CAPN7: variants seen among roughly 807,000 people sequenced by gnomAD.
The protein encoded by CAPN7 is calpain-7.
Under a neutral mutation model 115.2 loss-of-function variants are expected in CAPN7, and 72 were observed. That is an observed-to-expected ratio of 0.63 (90% confidence interval 0.52 to 0.76). The LOEUF is 0.76. Among genes scored for constraint, CAPN7 ranks in the 30% least tolerant of loss-of-function variants. The pLI is 0.00. For missense variants in CAPN7, 905 were observed against 971.5 expected (o/e 0.93, Z 0.91); for synonymous variants, 344 against 322.3 (o/e 1.07, Z -0.72).
In CAPN7 at chr3:15,219,484, G is replaced by A. The variant is rs988760673; in HGVS notation, c.437+944G>A. 2.0e-5 allele frequency among the ~76,000 whole-genome samples: 3 copies of A among 152,082 alleles called. 1 individual carries two copies. Among genetic ancestry groups the A allele is most frequent in the Admixed American group, 1.3e-4 (2 of 15,280 alleles). On this transcript the variant is annotated intron_variant, in intron 4 of 20. Coordinates refer to ENST00000253693, the MANE Select transcript of CAPN7 (RefSeq NM_014296.3). The stretch of plus-strand genomic sequence containing the variant: ...TTTCCTCAGATTCACAAAGATACGA[G>A]TCCTTGACATACAGTTGTCTTCTCT...
chr3:15,227,557 T>C (rs1030105515), intron 6 of CAPN7, among the ~76,000 whole-genome samples: 5 of 152,226 alleles, frequency 3.3e-5, no homozygotes, highest in Admixed American at 2.0e-4. Context: ...GCTGAATTTC[T>C]TGAATACAGT....
intron 2 of CAPN7, among the ~76,000 whole-genome samples, chr3:15,215,380 G>A (rs2045192435): frequency 6.6e-6 from 1 of 152,196 alleles, no homozygotes; most frequent in African/African-American, 2.4e-5. Context: ...CCCTCTTAAA[G>A]TATATAATTC....
At position 15,235,157 on chromosome 3, in the gene CAPN7, A is replaced by T; in HGVS notation, c.1407+12A>T. The stretch of plus-strand genomic sequence containing the variant: ...TTAGAGAGTTCAAGGTTTTGCCTTA[A>T]ATCTTTTTCTTTTATTTTTCTTGTT... On this transcript the variant is annotated intron_variant, in intron 12 of 20. Coordinates refer to ENST00000253693, the MANE Select transcript of CAPN7 (RefSeq NM_014296.3). The T allele has an allele frequency of 6.3e-7, 1 of 1,579,304 alleles. No homozygotes were observed. The highest frequency in any genetic ancestry group is 8.6e-7 in the Non-Finnish European group (1 of 1,167,412).
chr3:15,208,379 C>G (rs1260506424), intron 1 of CAPN7, among the ~76,000 whole-genome samples: 1 of 151,292 alleles, frequency 6.6e-6, no homozygotes, highest in Non-Finnish European at 1.5e-5. Flanking sequence ...CCTCAAACTG[C>G]AAAGCTCAAG....
chr3:15,232,596 AT>A lies in CAPN7; in HGVS notation c.1111del (p.Trp371GlyfsTer5). 6.2e-7 allele frequency: 1 copy of A among 1,613,024 alleles called. No homozygotes were observed. Among genetic ancestry groups the A allele is most frequent in the South Asian group, 1.1e-5 (1 of 90,944 alleles). ...CTTATTCCAACAACAAAAGTGAATT[AT>A]GGGTTTCTCTCATAGAAAAAGCATA... The part of the protein sequence containing the change: ...CSYSNNKSEL[W>X]VSLIEKAYMK... On this transcript the variant is annotated frameshift_variant, in exon 10 of 21. Transcript: ENST00000253693. LOFTEE classifies it high-confidence loss of function.
intron 2 of CAPN7, 49 bp downstream of exon 2, chr3:15,212,261 A>G: frequency 2.0e-6 from 2 of 994,002 alleles, no homozygotes; most frequent in Non-Finnish European, 3.0e-6. Context: ...CTTTTCTCCC[A>G]TCATGTCTTT....
At chr3:15,231,070 C>T (rs1279139033) in intron 9 of CAPN7, among the ~76,000 whole-genome samples, 3 of 152,212 alleles carry the variant, frequency 2.0e-5, no homozygotes, top group African/African-American at 4.8e-5. Flanking sequence ...ACATCAGCAT[C>T]ACCTGGAAGT....
intron 19 of CAPN7, among the ~76,000 whole-genome samples, chr3:15,249,996 C>G (rs1376039302): frequency 6.6e-6 from 1 of 151,492 alleles, no homozygotes; most frequent in Non-Finnish European, 1.5e-5. Context: ...ATCTCTTGAC[C>G]TTGTGATCCA....
chr3:15,229,315 T>C (rs1486180191), intron 8 of CAPN7, among the ~76,000 whole-genome samples: 5 of 152,190 alleles, frequency 3.3e-5, no homozygotes, highest in South Asian at 2.1e-4. Context: ...AATCATGTCA[T>C]ATTGATAATA....
At chr3:15,214,756 TCA>T (rs1398653935) in intron 2 of CAPN7, among the ~76,000 whole-genome samples, 1 of 152,196 alleles carries the variant, frequency 6.6e-6, no homozygotes, top group Non-Finnish European at 1.5e-5. Context: ...AGTACAGAGT[TCA>T]AGACTTGGAA....
Position 15,247,431 on chromosome 3 carries a change from G to A in CAPN7, c.2178G>A (p.Pro726=), listed in dbSNP as rs550234809. The A allele has an allele frequency of 1.2e-5, 19 of 1,601,752 alleles. No homozygotes were observed. The highest frequency in any genetic ancestry group is 9.1e-5 in the South Asian group (8 of 88,120). Reference sequence around the variant, plus strand: ...AATTCCATATAGAAAAGACTGGGCCGTTACTGATTGAGCTACGAGGACCAA... The same window carrying A: ...AATTCCATATAGAAAAGACTGGGCCATTACTGATTGAGCTACGAGGACCAA... ...IYQFHIEKTG[P]LLIELRGPRQ... The change falls in exon 19 of 21, where the codon CCG becomes CCA. Residue 726 remains proline (P), a synonymous_variant. Coordinates refer to ENST00000253693, the MANE Select transcript of CAPN7 (RefSeq NM_014296.3).
At chr3:15,239,288 C>G (rs1050940931) in intron 12 of CAPN7, among the ~76,000 whole-genome samples, 78 of 152,264 alleles carry the variant, frequency 5.1e-4, no homozygotes, top group African/African-American at 1.8e-3. Context: ...TAGATGTCTT[C>G]CAAACAGTTT....
In CAPN7 at chr3:15,252,620, C is replaced by T. The variant is rs1374403620; in HGVS notation, c.*1360C>T. On this transcript the variant is annotated 3_prime_UTR_variant, in exon 21 of 21. Transcript: ENST00000253693. Reference sequence around the variant, plus strand: ...GTAAAGATCTTGTACAGGATGCAAACTAAAAACCTAATCCCTGCCATCAAA... The same window carrying T: ...GTAAAGATCTTGTACAGGATGCAAATTAAAAACCTAATCCCTGCCATCAAA... 1 of 152,048 alleles carries T rather than the reference C, an allele frequency of 6.6e-6. No individual in the cohort carries two copies. The highest frequency in any genetic ancestry group is 1.5e-5 in the Non-Finnish European group (1 of 68,022). The allele number at this position is 152,048 out of a possible 1,614,324, so 9.4% of individuals were successfully genotyped here.
At chr3:15,248,163 C>G (rs1328528652) in intron 19 of CAPN7, among the ~76,000 whole-genome samples, 1 of 151,058 alleles carries the variant, frequency 6.6e-6, no homozygotes, top group Non-Finnish European at 1.5e-5. Flanking sequence ...TACCCTAAAA[C>G]TTAAAGTATA....
intron 1 of CAPN7, among the ~76,000 whole-genome samples, chr3:15,207,988 C>G (rs967990602): frequency 6.6e-6 from 1 of 152,154 alleles, no homozygotes; most frequent in Non-Finnish European, 1.5e-5. Context: ...TTTTACACCA[C>G]TGGCACCCCA....
At chr3:15,239,804 A>G (rs948399250) in intron 12 of CAPN7, among the ~76,000 whole-genome samples, 4 of 152,184 alleles carry the variant, frequency 2.6e-5, no homozygotes, top group Admixed American at 6.5e-5. Context: ...ATTTGGTCCC[A>G]TTTTATTCTG....
intron 12 of CAPN7, among the ~76,000 whole-genome samples, chr3:15,240,001 G>A (rs1409378282): frequency 6.6e-6 from 1 of 152,202 alleles, no homozygotes; most frequent in Non-Finnish European, 1.5e-5. Context: ...AGAGCCAAAG[G>A]TACATGGAGT....
chr3:15,221,125 C>T (rs981253901), intron 5 of CAPN7, 144 bp downstream of exon 5: 2 of 575,042 alleles, frequency 3.5e-6, no homozygotes, highest in Non-Finnish European at 6.1e-6. Flanking sequence ...ATCATGTAGT[C>T]ACAACTTGAA....
chr3:15,242,214 G>A lies in CAPN7; in HGVS notation c.1825G>A (p.Val609Ile). Reference protein sequence around the residue: ...FANNREFITMVVYKTDGKKVY... With the variant: ...FANNREFITMIVYKTDGKKVY... ...GAATAATCGAGAATTTATCACAATGGTTGTATACAAGACTGATGGGAAAAA... is the reference window on the plus strand; with the variant it reads ...GAATAATCGAGAATTTATCACAATGATTGTATACAAGACTGATGGGAAAAA... Residue 609 changes from valine to isoleucine, a missense_variant, in exon 16 of 21, where the codon GTT (valine) becomes ATT (isoleucine). Physicochemically the swap from Val to Ile is conservative, Grantham distance 29. Transcript: ENST00000253693. 6.2e-7 allele frequency: 1 copy of A among 1,604,694 alleles called. No homozygotes were observed. The highest frequency in any genetic ancestry group is 2.2e-5 in the East Asian group (1 of 44,484).
Sources: allele counts gnomAD v4.1 joint callset (sites outside exome capture counted in the v4.1 genomes callset), GRCh38; gene constraint gnomAD v4.1.1; transcripts MANE v1.5; gene names NCBI Gene and HGNC (gene_info 2026-07-23, HGNC 2026-07-21).